The following GOT2 variants were observed in gnomAD, a reference collection of about 807,000 sequenced individuals.
The protein encoded by GOT2 is aspartate aminotransferase, mitochondrial.
In GOT2, 17 loss-of-function variants were observed where a neutral mutation model predicts 50.0. The observed-to-expected ratio is 0.34, with a 90% CI of 0.23 to 0.51. The LOEUF (loss-of-function observed/expected upper bound fraction) is 0.51. GOT2 is among the 20% of genes least tolerant of loss of function. The probability of loss-of-function intolerance (pLI) is 0.97; values close to 1 mark genes in which losing one functional copy is unlikely to be tolerated. For synonymous variants in GOT2, 172 were observed against 204.9 expected, an observed-to-expected ratio of 0.84 and a Z score of 1.37; for missense variants, 430 against 559.6, an observed-to-expected ratio of 0.77 and a Z score of 2.34.
At chr16:58,726,254 C>T (rs781417891) in intron 1 of GOT2, among the ~76,000 whole-genome samples, 3 of 151,916 alleles carry the variant, frequency 2.0e-5, no homozygotes, top group African/African-American at 4.8e-5. Flanking sequence ...GGTGCGATCT[C>T]GGCTCACTGC....
At chr16:58,726,246 T>C (rs1024516536) in intron 1 of GOT2, among the ~76,000 whole-genome samples, 1 of 151,964 alleles carries the variant, frequency 6.6e-6, no homozygotes, top group Non-Finnish European at 1.5e-5. Context: ...AATGCAATGG[T>C]GCGATCTCGG....
At chr16:58,723,311 G>A (rs2044755440) in intron 2 of GOT2, among the ~76,000 whole-genome samples, 1 of 152,158 alleles carries the variant, frequency 6.6e-6, no homozygotes, top group Non-Finnish European at 1.5e-5. Flanking sequence ...AGCTCAGCAG[G>A]AAGAAAGGAC....
chr16:58,718,101 C>T (rs2079745313), intron 6 of GOT2, 95 bp downstream of exon 6: 12 of 877,718 alleles, frequency 1.4e-5, no homozygotes, highest in Admixed American at 1.0e-4. Flanking sequence ...CACGCAGGTT[C>T]GAGGTTAAGA....
chr16:58,716,143 T>G lies in GOT2; in HGVS notation c.890A>C (p.Asp297Ala). The change falls in exon 8 of 10, where the codon GAT (aspartate) becomes GCT (alanine). Residue 297 changes from aspartate to alanine, a missense_variant. Transcript: ENST00000245206. ...RVGAFTMVCKDADEAKRVESQ... is the reference protein window; with the variant it reads ...RVGAFTMVCKAADEAKRVESQ... ...CTCTACCCTTTTGGCTTCATCCGCA[T>G]CTTTGCAGACCATAGTGAAGGCTCC... 8 of 1,614,028 alleles carry G rather than the reference T, an allele frequency of 5.0e-6. No individual in the cohort carries two copies. Among genetic ancestry groups the G allele is most frequent in the Non-Finnish European group, 6.8e-6 (8 of 1,179,976 alleles).
rs368164203 is a variant in GOT2, at chr16:58,712,442, C to T, written c.1020-2875G>A. 2.6e-4 allele frequency among the ~76,000 whole-genome samples: 39 copies of T among 152,252 alleles called. No individual in the cohort carries two copies. The East Asian group carries it at 6.8e-3, about 26-fold the overall frequency. ...AGGAGAATCGCTTGAACCCAGGAGG[C>T]GGAGGTTGCAGTGAGCTGAGATTGT... On this transcript the variant is annotated intron_variant, in intron 8 of 9. Transcript: ENST00000245206.
In GOT2 at chr16:58,718,546, C is replaced by T. The variant is rs749709108; in HGVS notation, c.578G>A (p.Gly193Asp). 7.6e-6 allele frequency: 12 copies of T among 1,588,614 alleles called. No individual in the cohort carries two copies. The highest frequency in any genetic ancestry group is 1.0e-5 in the Non-Finnish European group (12 of 1,169,028). ...DPKTCGFDFT[G>D]AVEDISKIPE... is the part of the protein sequence containing the mutation. ...ACTTACTGAAATATCCTCCACAGCG[C>T]CTGTGAAGTCAAAACCGCAAGTCTT... Residue 193 changes from glycine (G) to aspartate (D), a missense_variant, in exon 5 of 10, where the codon GGC becomes GAC. Gly to Asp is a moderately conservative substitution (Grantham distance 94, BLOSUM62 -1). Coordinates refer to ENST00000245206, the MANE Select transcript of GOT2 (RefSeq NM_002080.4).
intron 1 of GOT2, among the ~76,000 whole-genome samples, chr16:58,726,639 G>A (rs2044786859): frequency 6.6e-6 from 1 of 151,504 alleles, no homozygotes. Flanking sequence ...TTACAGATGT[G>A]TGCCACCCCG....
At chr16:58,712,321 G>A (rs548249319) in intron 8 of GOT2, among the ~76,000 whole-genome samples, 1 of 152,290 alleles carries the variant, frequency 6.6e-6, no homozygotes, top group Non-Finnish European at 1.5e-5. Flanking sequence ...AGACCAGCCT[G>A]GCCAATGTGG....
At chr16:58,730,922 T>C (rs556858567) in intron 1 of GOT2, among the ~76,000 whole-genome samples, 69 of 152,326 alleles carry the variant, frequency 4.5e-4, no homozygotes, top group Non-Finnish European at 6.3e-4. Context: ...TGAGCAATAT[T>C]GACTGGTCAT....
In GOT2 at chr16:58,709,539, G is replaced by A. The variant is rs1465507115; in HGVS notation, c.1048C>T (p.Arg350Cys). ...WLQEVKVMAD[R>C]IIGMRTQLVS... is the part of the protein sequence containing the mutation. ...AGTTGAGTCCGCATGCCAATGATGCGGTCAGCCATGACTTTCACTTCTTGC... is the reference window on the plus strand; with the variant it reads ...AGTTGAGTCCGCATGCCAATGATGCAGTCAGCCATGACTTTCACTTCTTGC... Residue 350 changes from arginine (R) to cysteine (C), a missense_variant, in exon 9 of 10, where the codon CGC (arginine) becomes TGC (cysteine). By Grantham distance (180) the Arg-to-Cys change is radical. Coordinates refer to ENST00000245206, the MANE Select transcript of GOT2 (RefSeq NM_002080.4). 4 of 1,612,118 alleles carry A rather than the reference G, an allele frequency of 2.5e-6. No homozygotes were observed. The highest frequency in any genetic ancestry group is 4.5e-5 in the East Asian group (2 of 44,810).
At chr16:58,721,185 C>T (rs2044736980) in intron 3 of GOT2, among the ~76,000 whole-genome samples, 3 of 152,084 alleles carry the variant, frequency 2.0e-5, no homozygotes, top group South Asian at 4.1e-4. Context: ...TTTATTCTGG[C>T]TTTTCAGAGG....
chr16:58,724,607 C>T (rs899801469), intron 1 of GOT2, among the ~76,000 whole-genome samples: 2 of 152,170 alleles, frequency 1.3e-5, no homozygotes, highest in African/African-American at 4.8e-5. Flanking sequence ...ATGACGTGAT[C>T]TCAGCTCACT....
intron 3 of GOT2, among the ~76,000 whole-genome samples, 164 bp from the exon 4 acceptor site, chr16:58,719,419 T>G (rs2044722774): frequency 6.6e-6 from 1 of 152,034 alleles, no homozygotes; most frequent in Non-Finnish European, 1.5e-5. Context: ...ACACAAAAAT[T>G]CCTCCTCAAT....
chr16:58,733,736 G>A (rs1455909893), intron 1 of GOT2, among the ~76,000 whole-genome samples: 1 of 152,140 alleles, frequency 6.6e-6, no homozygotes, highest in African/African-American at 2.4e-5. Context: ...GCGGGCCGGG[G>A]GCCAGGACAG....
chr16:58,718,726 A>C (rs1313485429), intron 4 of GOT2, 38 bp from the exon 5 acceptor site: 9 of 1,485,978 alleles, frequency 6.1e-6, no homozygotes, highest in Non-Finnish European at 8.2e-6. Context: ...AAAATGAACA[A>C]AGGAGAGGCA....
chr16:58,727,820 G>A (rs1159504779), intron 1 of GOT2, among the ~76,000 whole-genome samples: 1 of 152,186 alleles, frequency 6.6e-6, no homozygotes, highest in African/African-American at 2.4e-5. Flanking sequence ...GGCTCACGGT[G>A]AGAAGGAGCT....
At chr16:58,714,030 T>A (rs570342792) in intron 8 of GOT2, among the ~76,000 whole-genome samples, 2 of 152,170 alleles carry the variant, frequency 1.3e-5, no homozygotes, top group African/African-American at 4.8e-5. Flanking sequence ...TTATGTGTCA[T>A]GACCCATTGG....
intron 1 of GOT2, among the ~76,000 whole-genome samples, chr16:58,730,731 A>G (rs1479323069): frequency 6.6e-6 from 1 of 152,188 alleles, no homozygotes; most frequent in Non-Finnish European, 1.5e-5. Flanking sequence ...CATGCCTTTC[A>G]TTATTCCATT....
intron 3 of GOT2, chr16:58,721,903 C>T (rs922977606): frequency 3.3e-6 from 1 of 298,576 alleles, no homozygotes; most frequent in Non-Finnish European, 6.3e-6. Context: ...GCCTAAGCCT[C>T]CTGAGTAGCT....
Sources: gnomAD v4.1 joint callset for allele counts (sites outside exome capture counted in the v4.1 genomes callset) on GRCh38, gnomAD v4.1.1 for gene constraint, MANE v1.5 for transcripts, NCBI Gene and HGNC (gene_info 2026-07-23, HGNC 2026-07-21) for gene names.